CCNY: variants seen among roughly 807,000 people sequenced by gnomAD.
CCNY encodes the protein cyclin Y, also known as cyclin-Y.
In CCNY, 19 loss-of-function variants were observed where a neutral mutation model predicts 42.8. The observed-to-expected ratio is 0.44, with a 90% confidence interval of 0.31 to 0.65. CCNY has a LOEUF of 0.65. Ranked by LOEUF, CCNY falls within the 30% of genes least tolerant of loss-of-function variation. The pLI is 0.07. For missense variants in CCNY, 370 were observed against 437.3 expected, an observed-to-expected ratio of 0.85 and a Z score of 1.37; for synonymous variants, 165 against 162.7, an observed-to-expected ratio of 1.01 and a Z score of -0.11.
chr10:35,296,345 C>T (rs971375781), intron 3 of CCNY, among the ~76,000 whole-genome samples: 6 of 152,046 alleles, frequency 3.9e-5, no homozygotes, highest in East Asian at 1.9e-4. Context: ...TTTGGGAGGC[C>T]GAGGCAGGTG....
At chr10:35,355,435 T>C (rs1051344687) in intron 1 of CCNY, among the ~76,000 whole-genome samples, 4 of 151,978 alleles carry the variant, frequency 2.6e-5, no homozygotes, top group Non-Finnish European at 4.4e-5. Flanking sequence ...CCCAGCACTT[T>C]GGGAGGCAGA....
At chr10:35,389,193 A>G (rs1395425112) in intron 1 of CCNY, among the ~76,000 whole-genome samples, 2 of 152,110 alleles carry the variant, frequency 1.3e-5, no homozygotes, top group Non-Finnish European at 2.9e-5. Flanking sequence ...ATATCAGATT[A>G]TATTAGAAGT....
At chr10:35,454,933 G>A (rs573506934) in intron 1 of CCNY, among the ~76,000 whole-genome samples, 1 of 152,330 alleles carries the variant, frequency 6.6e-6, no homozygotes, top group African/African-American at 2.4e-5. Context: ...TGCCTAGAGA[G>A]TTTTCAGGAG....
chr10:35,265,829 A>G (rs1017033608), intron 3 of CCNY, among the ~76,000 whole-genome samples: 2 of 152,282 alleles, frequency 1.3e-5, no homozygotes, highest in South Asian at 2.1e-4. Context: ...GGTGGGGCAG[A>G]TATGAAGCCC....
At chr10:35,261,319 C>A (rs2095719422) in intron 3 of CCNY, among the ~76,000 whole-genome samples, 1 of 150,734 alleles carries the variant, frequency 6.6e-6, no homozygotes, top group Non-Finnish European at 1.5e-5. Context: ...CTCACAGCAA[C>A]CTCCGCCTTC....
chr10:35,367,409 G>T (rs1281938643), intron 1 of CCNY, among the ~76,000 whole-genome samples: 2 of 152,160 alleles, frequency 1.3e-5, no homozygotes, highest in East Asian at 1.9e-4. Flanking sequence ...ATTATTTTGG[G>T]TGTAAAATGA....
chr10:35,366,872 C>T (rs1836820159), intron 1 of CCNY, among the ~76,000 whole-genome samples: 1 of 152,148 alleles, frequency 6.6e-6, no homozygotes, highest in Admixed American at 6.5e-5. Flanking sequence ...ATTTAGATAG[C>T]CACGTGTGGC....
chr10:35,469,275 C>T (rs1378621974), intron 1 of CCNY, among the ~76,000 whole-genome samples: 1 of 152,254 alleles, frequency 6.6e-6, no homozygotes, highest in African/African-American at 2.4e-5. Context: ...TATATTTTAA[C>T]TCACATTACA....
intron 1 of CCNY, among the ~76,000 whole-genome samples, chr10:35,454,197 G>A (rs12217238): frequency 6.6e-5 from 10 of 152,296 alleles, no homozygotes; most frequent in East Asian, 1.9e-4. Context: ...CCAACGGCAC[G>A]CAACTACCAG....
intron 8 of CCNY, among the ~76,000 whole-genome samples, chr10:35,555,614 GAATT>G (rs1477668149): frequency 2.6e-5 from 4 of 152,208 alleles, no homozygotes; most frequent in Admixed American, 1.3e-4. Flanking sequence ...GAGGCCCTGA[GAATT>G]AAGTAAGATG....
At chr10:35,476,852 G>A (rs1182642086) in intron 1 of CCNY, among the ~76,000 whole-genome samples, 2 of 152,150 alleles carry the variant, frequency 1.3e-5, no homozygotes, top group Non-Finnish European at 2.9e-5. Flanking sequence ...CCAGGAGCAG[G>A]TTTTCTGAAA....
chr10:35,343,280 C>T (rs1016479247), intron 1 of CCNY, among the ~76,000 whole-genome samples: 25 of 151,190 alleles, frequency 1.7e-4, no homozygotes, highest in Admixed American at 1.3e-4. Context: ...TGAGCCACTG[C>T]GCCCAGTCTC....
chr10:35,437,743 A>C (rs1838571244), intron 1 of CCNY, among the ~76,000 whole-genome samples: 1 of 151,990 alleles, frequency 6.6e-6, no homozygotes, highest in African/African-American at 2.4e-5. Flanking sequence ...TTTTTCTAGA[A>C]TTTTATAAAA....
intron 3 of CCNY, among the ~76,000 whole-genome samples, chr10:35,283,096 T>C (rs1835315857): frequency 1.3e-5 from 2 of 152,210 alleles, no homozygotes; most frequent in South Asian, 2.1e-4. Context: ...TGGATTCTCC[T>C]TGAGGCCCAA....
At chr10:35,252,313 C>T (rs1048625422) in intron 3 of CCNY, among the ~76,000 whole-genome samples, 2 of 152,134 alleles carry the variant, frequency 1.3e-5, no homozygotes, top group East Asian at 3.9e-4. Context: ...GGCCTGTAAT[C>T]CCAGCACTTT....
At chr10:35,370,418 T>C (rs1215639007) in intron 1 of CCNY, among the ~76,000 whole-genome samples, 1 of 152,062 alleles carries the variant, frequency 6.6e-6, no homozygotes, top group Non-Finnish European at 1.5e-5. Flanking sequence ...CCCAGAGTGT[T>C]GGGATTACAG....
intron 3 of CCNY, among the ~76,000 whole-genome samples, chr10:35,305,689 C>T (rs1835597896): frequency 6.6e-6 from 1 of 152,170 alleles, no homozygotes; most frequent in Admixed American, 6.5e-5. Flanking sequence ...CTTCTTGTTT[C>T]TGAGTATTGA....
At chr10:35,340,348 TC>T (rs35014521) in intron 1 of CCNY, among the ~76,000 whole-genome samples, 1 of 152,130 alleles carries the variant, frequency 6.6e-6, no homozygotes, top group Non-Finnish European at 1.5e-5. Flanking sequence ...AGTCCAGACT[TC>T]CAGGATTAGA....
At chr10:35,310,825 A>G (rs1280611424) in intron 3 of CCNY, among the ~76,000 whole-genome samples, 4 of 152,126 alleles carry the variant, frequency 2.6e-5, no homozygotes, top group Non-Finnish European at 5.9e-5. Context: ...TATATTATTC[A>G]CCAGGGCGAG....
Sources: gnomAD v4.1 joint callset for allele counts (sites outside exome capture counted in the v4.1 genomes callset) on GRCh38, gnomAD v4.1.1 for gene constraint, MANE v1.5 for transcripts, NCBI Gene and HGNC (gene_info 2026-07-23, HGNC 2026-07-21) for gene names.